SPPL3: variants seen among roughly 807,000 people sequenced by gnomAD.
SPPL3 encodes signal peptide peptidase-like 3.
Under a neutral mutation model 42.4 loss-of-function variants are expected in SPPL3, and 5 were observed. The observed-to-expected ratio is 0.12, with a 90% confidence interval of 0.06 to 0.25. SPPL3 has a LOEUF of 0.25. SPPL3 is among the 10% of genes least tolerant of loss of function. SPPL3 has a pLI of 1.00. For missense variants in SPPL3, 235 were observed against 489.0 expected (o/e 0.48, Z 4.90); for synonymous variants, 195 against 181.8 (o/e 1.07, Z -0.58).
rs1874078633 is a variant in SPPL3, at chr12:120,904,081, G to GCTCCGCTCTCGGC, written c.-227_-215dup. 5 of 328,994 alleles carry GCTCCGCTCTCGGC rather than the reference G, an allele frequency of 1.5e-5. No homozygotes were observed. The highest frequency in any genetic ancestry group is 8.4e-4 in the Middle Eastern group (1 of 1,184). The allele number at this position is 328,994 out of a possible 1,614,324, so 20.4% of individuals were successfully genotyped here. ...CTCCCTGGGCCCCGGGGCGGGGCGG[G>GCTCCGCTCTCGGC]CTCCGCTCTCGGCCTCCCTCACCCG... On this transcript the variant is annotated 5_prime_UTR_variant, in exon 1 of 11. Coordinates refer to ENST00000353487, the MANE Select transcript of SPPL3 (RefSeq NM_139015.5).
chr12:120,898,090 T>C (rs1873863859), intron 1 of SPPL3, among the ~76,000 whole-genome samples: 1 of 151,858 alleles, frequency 6.6e-6, no homozygotes, highest in African/African-American at 2.4e-5. Context: ...GGTGGGTGGA[T>C]TGCTTGAAGT....
At chr12:120,893,247 G>A (rs964985074) in intron 1 of SPPL3, among the ~76,000 whole-genome samples, 14 of 151,818 alleles carry the variant, frequency 9.2e-5, no homozygotes, top group African/African-American at 1.2e-4. Flanking sequence ...TCAGGAGATC[G>A]AGACCATCCT....
intron 1 of SPPL3, among the ~76,000 whole-genome samples, chr12:120,815,940 G>A (rs963324191): frequency 6.6e-6 from 1 of 151,970 alleles, no homozygotes; most frequent in African/African-American, 2.4e-5. Flanking sequence ...ACGTTGCCCA[G>A]GCTGGTCTCA....
chr12:120,822,793 A>C (rs1473943279), intron 1 of SPPL3, among the ~76,000 whole-genome samples: 1 of 152,132 alleles, frequency 6.6e-6, no homozygotes, highest in Non-Finnish European at 1.5e-5. Flanking sequence ...ACATCTAAAA[A>C]TCAAACCAAA....
chr12:120,900,597 GA>G (rs10657271), intron 1 of SPPL3, among the ~76,000 whole-genome samples: 2,614 of 123,054 alleles, frequency 0.021, 33 homozygotes, highest in African/African-American at 0.027. Context: ...CTGTCTCAAG[GA>G]AAAAAAAAAA....
At chr12:120,819,415 C>T (rs544929569) in intron 1 of SPPL3, among the ~76,000 whole-genome samples, 2 of 152,196 alleles carry the variant, frequency 1.3e-5, no homozygotes, top group South Asian at 4.2e-4. Context: ...TTGTTAGTAC[C>T]ATTCTTGGGG....
intron 1 of SPPL3, among the ~76,000 whole-genome samples, chr12:120,872,274 T>TA (rs1177018467): frequency 6.6e-6 from 1 of 152,204 alleles, no homozygotes; most frequent in Non-Finnish European, 1.5e-5. Context: ...CATGAAGTTG[T>TA]AACTGCTACA....
chr12:120,817,253 C>A (rs1311506986), intron 1 of SPPL3, among the ~76,000 whole-genome samples: 1 of 152,132 alleles, frequency 6.6e-6, no homozygotes, highest in Non-Finnish European at 1.5e-5. Flanking sequence ...CATGATCGTG[C>A]CACTGCACTT....
intron 2 of SPPL3, 68 bp downstream of exon 2, chr12:120,810,741 G>T: frequency 1.6e-6 from 2 of 1,245,230 alleles, no homozygotes; most frequent in African/African-American, 1.5e-5. Flanking sequence ...TTTGGTACCA[G>T]CACTTTCAGA....
At chr12:120,777,097 A>G (rs1041169940) in intron 6 of SPPL3, among the ~76,000 whole-genome samples, 1 of 152,244 alleles carries the variant, frequency 6.6e-6, no homozygotes, top group African/African-American at 2.4e-5. Flanking sequence ...TCTCTTAGGA[A>G]TATGTGGTTC....
intron 3 of SPPL3, among the ~76,000 whole-genome samples, chr12:120,790,912 T>A (rs940814184): frequency 3.3e-5 from 5 of 151,512 alleles, no homozygotes; most frequent in Admixed American, 6.6e-5. Context: ...AGCCTCTGCC[T>A]CCTGGGTTCA....
chr12:120,798,193 T>C (rs1870170314), intron 2 of SPPL3, among the ~76,000 whole-genome samples: 1 of 152,074 alleles, frequency 6.6e-6, no homozygotes, highest in Non-Finnish European at 1.5e-5. Flanking sequence ...TGAAATATGG[T>C]CAGGTGTCTG....
At chr12:120,829,223 T>C (rs770306441) in intron 1 of SPPL3, among the ~76,000 whole-genome samples, 4 of 152,118 alleles carry the variant, frequency 2.6e-5, no homozygotes, top group Non-Finnish European at 4.4e-5. Flanking sequence ...CTTTGTGACA[T>C]TGGGTTAGGT....
intron 1 of SPPL3, among the ~76,000 whole-genome samples, chr12:120,851,036 G>A (rs556977742): frequency 6.6e-6 from 1 of 152,256 alleles, no homozygotes; most frequent in Non-Finnish European, 1.5e-5. Context: ...TTAGGACATG[G>A]ACATGTTTTA....
chr12:120,836,245 C>G (rs552931533), intron 1 of SPPL3, among the ~76,000 whole-genome samples: 45 of 152,068 alleles, frequency 3.0e-4, no homozygotes, highest in Admixed American at 3.3e-4. Flanking sequence ...CAAAAGACGG[C>G]TACAGAAAGC....
intron 1 of SPPL3, among the ~76,000 whole-genome samples, chr12:120,848,360 G>A (rs1235787158): frequency 6.6e-6 from 1 of 152,160 alleles, no homozygotes; most frequent in Admixed American, 6.5e-5. Context: ...GACACCATGG[G>A]TCTAGAGTTA....
intron 1 of SPPL3, among the ~76,000 whole-genome samples, chr12:120,870,566 G>T (rs1394045319): frequency 6.6e-6 from 1 of 152,070 alleles, no homozygotes; most frequent in Non-Finnish European, 1.5e-5. Flanking sequence ...ATAGCCAAAG[G>T]GTGGAAGCAA....
intron 3 of SPPL3, among the ~76,000 whole-genome samples, chr12:120,787,298 A>G (rs1869752825): frequency 6.6e-6 from 1 of 152,222 alleles, no homozygotes; most frequent in Admixed American, 6.5e-5. Flanking sequence ...ACTCAAATAA[A>G]TTATAACTGA....
chr12:120,823,558 G>A (rs1744598322), intron 1 of SPPL3, among the ~76,000 whole-genome samples: 1 of 152,070 alleles, frequency 6.6e-6, no homozygotes, highest in African/African-American at 2.4e-5. Flanking sequence ...CCTGCTCTCT[G>A]GCTCCGTATT....
Sources: allele counts gnomAD v4.1 joint callset (sites outside exome capture counted in the v4.1 genomes callset), GRCh38; gene constraint gnomAD v4.1.1; transcripts MANE v1.5; gene names NCBI Gene and HGNC (gene_info 2026-07-23, HGNC 2026-07-21).